PRKCA: variants seen among roughly 807,000 people sequenced by gnomAD.
PRKCA encodes protein kinase C alpha type.
A neutral mutation model predicts 87.0 loss-of-function variants in PRKCA; 27 were observed. That is an observed-to-expected ratio of 0.31 (90% CI 0.23 to 0.43). The LOEUF (loss-of-function observed/expected upper bound fraction) is 0.43. PRKCA is among the 20% of genes least tolerant of loss of function. PRKCA has a pLI of 1.00. For synonymous variants in PRKCA, 329 were observed against 311.1 expected, an observed-to-expected ratio of 1.06 and a Z score of -0.61; for missense variants, 518 against 852.3, an observed-to-expected ratio of 0.61 and a Z score of 4.88.
At chr17:66,352,558 G>GTTTTTTTTTTTTTTTTTTTTTTTTTTTTT (rs56317931) in intron 2 of PRKCA, among the ~76,000 whole-genome samples, 2 of 83,758 alleles carry the variant, frequency 2.4e-5, no homozygotes, top group African/African-American at 4.6e-5. Flanking sequence ...GTTTTTTGAG[G>GTTTTTTTTTTTTTTTTTTTTTTTTTTTTT]TTTTTTTTTT....
At chr17:66,677,075 T>TTTTTTTTTTTTATTTATTTATTTA (rs1555634533) in intron 5 of PRKCA, 1 of 144,486 alleles carries the variant, frequency 6.9e-6, no homozygotes, top group African/African-American at 2.6e-5. Flanking sequence ...CACAGCTTAT[T>TTTTTTTTTTTTATTTATTTATTTA]TTTATTTATT....
chr17:66,368,382 ATATATTTTTTTT>A (rs1452031677), intron 2 of PRKCA, among the ~76,000 whole-genome samples: 12 of 34,566 alleles, frequency 3.5e-4, no homozygotes, highest in African/African-American at 9.2e-4. Flanking sequence ...ATATATATAT[ATATATTTTTTTT>A]TTTTTTTTTT....
At chr17:66,354,783 C>T (rs571392216) in intron 2 of PRKCA, among the ~76,000 whole-genome samples, 134 of 152,204 alleles carry the variant, frequency 8.8e-4, no homozygotes, top group Non-Finnish European at 1.5e-3. Context: ...TATTGCCTTG[C>T]ACATAAATAA....
chr17:66,781,913 TGTGTGA>T (rs148070298), intron 14 of PRKCA, among the ~76,000 whole-genome samples: 2,299 of 150,242 alleles, frequency 0.015, 30 homozygotes, highest in Middle Eastern at 0.034. Flanking sequence ...TGTGTGTGTG[TGTGTGA>T]GTGAGTGTGA....
At chr17:66,419,190 T>A (rs1183380705) in intron 2 of PRKCA, among the ~76,000 whole-genome samples, 1 of 152,178 alleles carries the variant, frequency 6.6e-6, no homozygotes, top group Non-Finnish European at 1.5e-5. Context: ...TAGCACTGAG[T>A]GGTTGTTAGG....
At chr17:66,555,966 C>T (rs1241818707) in intron 3 of PRKCA, among the ~76,000 whole-genome samples, 1 of 151,994 alleles carries the variant, frequency 6.6e-6, no homozygotes, top group Non-Finnish European at 1.5e-5. Flanking sequence ...TTTATTTTGT[C>T]AAATGCATTT....
intron 2 of PRKCA, among the ~76,000 whole-genome samples, chr17:66,468,339 T>C (rs1042681847): frequency 1.3e-5 from 2 of 152,226 alleles, no homozygotes; most frequent in African/African-American, 4.8e-5. Context: ...CACTGAGGAC[T>C]CTGTCCTCAT....
intron 14 of PRKCA, among the ~76,000 whole-genome samples, chr17:66,783,803 G>T (rs567376044): frequency 6.6e-6 from 1 of 152,286 alleles, no homozygotes; most frequent in Non-Finnish European, 1.5e-5. Flanking sequence ...CTGTGACTTG[G>T]CCCCTGCAGC....
At chr17:66,712,049 T>A (rs1973344094) in intron 8 of PRKCA, among the ~76,000 whole-genome samples, 1 of 152,116 alleles carries the variant, frequency 6.6e-6, no homozygotes, top group Non-Finnish European at 1.5e-5. Flanking sequence ...GAAAACCCTG[T>A]CCCATGATTC....
At chr17:66,686,075 A>G (rs1161160825) in intron 5 of PRKCA, among the ~76,000 whole-genome samples, 1 of 152,176 alleles carries the variant, frequency 6.6e-6, no homozygotes, top group African/African-American at 2.4e-5. Context: ...CTTACTGGGA[A>G]AGATGCCATG....
rs1478680614 is a variant in PRKCA, at chr17:66,750,393, AAT to A, written c.1524+7636_1524+7637del. 5.3e-5 allele frequency among the ~76,000 whole-genome samples: 8 copies of A among 152,282 alleles called. No homozygotes were observed. In the East Asian group the frequency reaches 1.5e-3, roughly 29 times the overall value. On this transcript the variant is annotated intron_variant, in intron 13 of 16. Coordinates refer to ENST00000413366, the MANE Select transcript of PRKCA (RefSeq NM_002737.3). ...TGAAGCCGCCGCTTTCCCTCAAAGA[AAT>A]ATTTAAAGAGCCAAAGCCAGGCTTT...
chr17:66,666,033 G>A (rs892532867), intron 5 of PRKCA, among the ~76,000 whole-genome samples: 4 of 152,208 alleles, frequency 2.6e-5, no homozygotes, highest in African/African-American at 7.2e-5. Context: ...CAGGATGCCA[G>A]TTTATGAATT....
chr17:66,500,523 A>G (rs1916680027), intron 3 of PRKCA, among the ~76,000 whole-genome samples: 1 of 152,216 alleles, frequency 6.6e-6, no homozygotes, highest in South Asian at 2.1e-4. Flanking sequence ...TTAAGGATTT[A>G]TCTGGGTTAA....
chr17:66,372,358 G>A (rs573012980), intron 2 of PRKCA, among the ~76,000 whole-genome samples: 29 of 152,246 alleles, frequency 1.9e-4, no homozygotes, highest in African/African-American at 6.0e-4. Flanking sequence ...ACACCCACTC[G>A]GAGTTTTCTT....
At chr17:66,715,372 C>A (rs78894876) in intron 8 of PRKCA, among the ~76,000 whole-genome samples, 3,465 of 152,268 alleles carry the variant, frequency 0.023, 141 homozygotes, top group African/African-American at 0.079. Flanking sequence ...ACTCTGCCCT[C>A]GTGTAACTGT....
intron 2 of PRKCA, among the ~76,000 whole-genome samples, chr17:66,442,360 A>AGGTG (rs1475045929): frequency 4.0e-5 from 6 of 151,774 alleles, no homozygotes; most frequent in African/African-American, 1.5e-4. Flanking sequence ...CCTGCCTGTA[A>AGGTG]CATCATGATG....
intron 3 of PRKCA, among the ~76,000 whole-genome samples, chr17:66,588,088 G>A (rs1286963026): frequency 1.3e-5 from 2 of 151,790 alleles, no homozygotes; most frequent in Admixed American, 6.6e-5. Flanking sequence ...CATTCCACCA[G>A]CAGTGTTGGA....
intron 2 of PRKCA, among the ~76,000 whole-genome samples, chr17:66,319,742 T>C (rs1905535709): frequency 6.6e-6 from 1 of 152,012 alleles, no homozygotes; most frequent in Admixed American, 6.6e-5. Flanking sequence ...CTTCTTTTTT[T>C]TTTTTAATTT....
chr17:66,340,496 T>C (rs1906983668), intron 2 of PRKCA, among the ~76,000 whole-genome samples: 1 of 151,978 alleles, frequency 6.6e-6, no homozygotes, highest in East Asian at 1.9e-4. Context: ...GGCTTAGTAG[T>C]GCTTCTACTG....
Sources: allele counts gnomAD v4.1 joint callset (sites outside exome capture counted in the v4.1 genomes callset), GRCh38; gene constraint gnomAD v4.1.1; transcripts MANE v1.5; gene names NCBI Gene and HGNC (gene_info 2026-07-23, HGNC 2026-07-21).